The following UTRN variants were observed in gnomAD, a reference collection of about 807,000 sequenced individuals.
UTRN encodes the protein utrophin.
Under a neutral mutation model 463.9 loss-of-function variants are expected in UTRN, and 283 were observed. The observed-to-expected ratio is 0.61, with a 90% CI of 0.55 to 0.67. UTRN has a LOEUF of 0.67. Among genes scored for constraint, UTRN ranks in the 30% least tolerant of loss-of-function variants. The pLI is 0.00. For synonymous variants in UTRN, 1,442 were observed against 1,431.5 expected (o/e 1.01, Z -0.17); for missense variants, 3,922 against 4,084.3 (o/e 0.96, Z 1.08).
chr6:144,779,232 A>G (rs1775604126), intron 60 of UTRN, among the ~76,000 whole-genome samples: 1 of 152,192 alleles, frequency 6.6e-6, no homozygotes, highest in East Asian at 1.9e-4. Context: ...CCTTTTGGCC[A>G]TATTTGAATA....
At chr6:144,768,658 A>G (rs943309567) in intron 58 of UTRN, among the ~76,000 whole-genome samples, 1 of 152,224 alleles carries the variant, frequency 6.6e-6, no homozygotes, top group Admixed American at 6.5e-5. Flanking sequence ...GTCAATATCC[A>G]CAGGACAATA....
intron 55 of UTRN, among the ~76,000 whole-genome samples, chr6:144,750,625 T>G (rs1791290693): frequency 6.6e-6 from 1 of 152,194 alleles, no homozygotes; most frequent in South Asian, 2.1e-4. Context: ...CTTCTAAATT[T>G]AGTTTGGTAC....
At chr6:144,494,752 A>G (rs1434814042) in intron 33 of UTRN, among the ~76,000 whole-genome samples, 1 of 152,144 alleles carries the variant, frequency 6.6e-6, no homozygotes, top group Non-Finnish European at 1.5e-5. Context: ...GAGTAGCTAG[A>G]TACAGAGTGT....
intron 2 of UTRN, among the ~76,000 whole-genome samples, chr6:144,338,420 T>C (rs1776900110): frequency 6.6e-6 from 1 of 152,008 alleles, no homozygotes; most frequent in South Asian, 2.1e-4. Flanking sequence ...TTAAGGGGAG[T>C]TAATTAGATT....
chr6:144,790,274 T>A (rs1028800901), intron 62 of UTRN, among the ~76,000 whole-genome samples: 1 of 152,220 alleles, frequency 6.6e-6, no homozygotes, highest in Non-Finnish European at 1.5e-5. Context: ...TCCCAGATGA[T>A]TCTTTACAGA....
chr6:144,447,306 T>C lies in UTRN; in HGVS notation c.1710T>C (p.Val570=). Residue 570 remains valine (V), a synonymous_variant, in exon 15 of 75, where the codon GTT becomes GTC. Coordinates refer to ENST00000367545, the MANE Select transcript of UTRN (RefSeq NM_007124.3). ...FKDQKELSVS[V]RRLAILKEDM... ...ACCAAAAGGAACTAAGTGTCAGTGT[T>C]CGACGTCTGGCTGTAAGTGATGGGG... The C allele has an allele frequency of 6.2e-7, 1 of 1,613,416 alleles. No individual in the cohort carries two copies.
At chr6:144,588,227 T>C (rs553663289) in intron 51 of UTRN, among the ~76,000 whole-genome samples, 2 of 152,300 alleles carry the variant, frequency 1.3e-5, no homozygotes, top group Middle Eastern at 6.8e-3. Context: ...AAGTGCCATT[T>C]TAGAAAGCTC....
intron 35 of UTRN, among the ~76,000 whole-genome samples, chr6:144,512,285 A>G (rs990158063): frequency 2.0e-5 from 3 of 152,074 alleles, no homozygotes; most frequent in Admixed American, 1.3e-4. Context: ...TCACATTCTT[A>G]TGGCCCTTAT....
At chr6:144,438,997 C>T in intron 12 of UTRN, 102 bp downstream of exon 12, 1 of 1,279,270 alleles carries the variant, frequency 7.8e-7, no homozygotes, top group South Asian at 1.4e-5. Flanking sequence ...GAAGTTGGGA[C>T]ACTTCTTCAG....
At chr6:144,707,763 A>G (rs975559198) in intron 53 of UTRN, among the ~76,000 whole-genome samples, 7 of 152,296 alleles carry the variant, frequency 4.6e-5, no homozygotes, top group African/African-American at 1.7e-4. Context: ...TCAAGTTCTC[A>G]GGTAATGTTA....
chr6:144,482,627 A>G (rs1337290441), intron 27 of UTRN, among the ~76,000 whole-genome samples: 3 of 152,152 alleles, frequency 2.0e-5, no homozygotes, highest in South Asian at 2.1e-4. Context: ...AATTATCAGA[A>G]GGTTCTTGGG....
chr6:144,517,771 T>C (rs866090115), intron 39 of UTRN, among the ~76,000 whole-genome samples: 2 of 152,214 alleles, frequency 1.3e-5, no homozygotes, highest in Non-Finnish European at 1.5e-5. Flanking sequence ...CAATTGACTA[T>C]ACCACACAGC....
chr6:144,581,850 C>T (rs1801997967), intron 51 of UTRN, among the ~76,000 whole-genome samples: 1 of 152,172 alleles, frequency 6.6e-6, no homozygotes, highest in African/African-American at 2.4e-5. Context: ...TTTCCCATTC[C>T]TCCCCGCCAA....
At chr6:144,427,550 A>G (rs1483250118) in intron 7 of UTRN, among the ~76,000 whole-genome samples, 1 of 152,100 alleles carries the variant, frequency 6.6e-6, no homozygotes, top group Non-Finnish European at 1.5e-5. Context: ...TTGTCCTTCA[A>G]TGCAATGTTG....
intron 3 of UTRN, among the ~76,000 whole-genome samples, chr6:144,416,381 G>T (rs1345036534): frequency 1.3e-5 from 2 of 152,162 alleles, no homozygotes; most frequent in East Asian, 3.9e-4. Flanking sequence ...AACTGAGCAG[G>T]AGCTGCCACT....
chr6:144,817,347 T>A (rs538656656), intron 65 of UTRN, among the ~76,000 whole-genome samples: 1 of 152,296 alleles, frequency 6.6e-6, no homozygotes, highest in South Asian at 2.1e-4. Flanking sequence ...GCATTTAAAA[T>A]GTTGGGTAAT....
chr6:144,793,310 A>G (rs184157094), intron 62 of UTRN, among the ~76,000 whole-genome samples: 2 of 151,624 alleles, frequency 1.3e-5, no homozygotes, highest in East Asian at 3.9e-4. Context: ...GGGTCTTGCT[A>G]TGTTGCCCAA....
intron 26 of UTRN, among the ~76,000 whole-genome samples, chr6:144,480,896 T>C (rs933731506): frequency 6.6e-6 from 1 of 152,330 alleles, no homozygotes; most frequent in East Asian, 1.9e-4. Context: ...AAAGTAAATA[T>C]GACAGGAGAC....
At chr6:144,533,644 G>A (rs965197851) in intron 43 of UTRN, among the ~76,000 whole-genome samples, 7 of 151,806 alleles carry the variant, frequency 4.6e-5, no homozygotes, top group Admixed American at 1.3e-4. Flanking sequence ...TTAGTAATAC[G>A]TCTCACTAAG....
Sources: allele counts gnomAD v4.1 joint callset (sites outside exome capture counted in the v4.1 genomes callset), GRCh38; gene constraint gnomAD v4.1.1; transcripts MANE v1.5; gene names NCBI Gene and HGNC (gene_info 2026-07-23, HGNC 2026-07-21).